CNTN4: variants seen among roughly 807,000 people sequenced by gnomAD.
CNTN4 encodes contactin 4, also known as contactin-4.
Under a neutral mutation model 122.5 loss-of-function variants are expected in CNTN4, and 77 were observed. That is an observed-to-expected ratio of 0.63 (90% CI 0.52 to 0.76). The LOEUF is 0.76. CNTN4 is among the 30% of genes least tolerant of loss of function. The pLI is 0.00. For missense variants in CNTN4, 1,256 were observed against 1,259.1 expected (o/e 1.00, Z 0.04); for synonymous variants, 512 against 447.0 (o/e 1.15, Z -1.83).
intron 13 of CNTN4, among the ~76,000 whole-genome samples, chr3:2,927,014 G>A (rs756597837): frequency 1.1e-4 from 17 of 152,078 alleles, no homozygotes; most frequent in Admixed American, 2.6e-4. Context: ...AATGTGGCAC[G>A]TGAGATTACT....
chr3:2,339,106 C>G (rs2044079272), intron 2 of CNTN4, 72 bp from the exon 3 acceptor site: 1 of 152,106 alleles, frequency 6.6e-6, no homozygotes, highest in Admixed American at 6.6e-5. Flanking sequence ...TACAGGTAAG[C>G]ATCACCTACC....
At position 3,040,052 on chromosome 3, in the gene CNTN4, T is replaced by C; in HGVS notation, c.2179T>C (p.Leu727=). 1 of 1,612,468 alleles carries C rather than the reference T, an allele frequency of 6.2e-7. No individual in the cohort carries two copies. Among genetic ancestry groups the C allele is most frequent in the South Asian group, 1.1e-5 (1 of 91,022 alleles). ...VITWETVPEE[L]QNGRGFGYVV... is the part of the protein sequence containing the mutation. Reference sequence around the variant, plus strand: ...TCTTTCCCAGACGGTCCCTGAGGAATTACAGAATGGTCGAGGCTTTGGTTA... The same window carrying C: ...TCTTTCCCAGACGGTCCCTGAGGAACTACAGAATGGTCGAGGCTTTGGTTA... The change falls in exon 20 of 25, where the codon TTA becomes CTA. Residue 727 remains leucine, a synonymous_variant. Coordinates refer to ENST00000418658, the MANE Select transcript of CNTN4 (RefSeq NM_175607.3).
At chr3:2,434,373 A>G (rs1203821453) in intron 3 of CNTN4, among the ~76,000 whole-genome samples, 6 of 152,214 alleles carry the variant, frequency 3.9e-5, no homozygotes, top group South Asian at 2.1e-4. Flanking sequence ...AGACTCTACA[A>G]GAAGAGTAAA....
chr3:3,043,045 A>C lies in CNTN4; in HGVS notation c.2580A>C (p.Thr860=). 6.2e-7 allele frequency: 1 copy of C among 1,614,200 alleles called. No individual in the cohort carries two copies. ...ARKIRTVGNQ[T]STKITNLKGS... is the part of the protein sequence containing the mutation. ...AAATACGAACAGTTGGAAATCAGAC[A>C]TCAACAAAAATCACGAACTTAAAAG... The change falls in exon 22 of 25, where the codon ACA becomes ACC. Residue 860 remains threonine (T), a synonymous_variant. Coordinates refer to ENST00000418658, the MANE Select transcript of CNTN4 (RefSeq NM_175607.3).
At position 2,117,398 on chromosome 3, in the gene CNTN4, G is replaced by A. The variant is rs183094799; in HGVS notation, c.-145+16759G>A. On this transcript the variant is annotated intron_variant, in intron 2 of 24. Coordinates refer to ENST00000418658, the MANE Select transcript of CNTN4 (RefSeq NM_175607.3). Reference sequence around the variant, plus strand: ...ACCCTCCAGGAACCTTTTGTGTTAAGCTGTCTGGAAGTGCATCTGAACGCT... The same window carrying A: ...ACCCTCCAGGAACCTTTTGTGTTAAACTGTCTGGAAGTGCATCTGAACGCT... Among the ~76,000 whole-genome samples the A allele has an allele frequency of 3.5e-4, 54 of 152,322 alleles. No individual in the cohort carries two copies. The Middle Eastern group carries it at 0.01, about 29-fold the overall frequency.
intron 3 of CNTN4, among the ~76,000 whole-genome samples, chr3:2,390,227 T>C (rs1176622839): frequency 1.3e-5 from 2 of 151,150 alleles, no homozygotes; most frequent in Non-Finnish European, 3.0e-5. Context: ...TGTGTGTGTG[T>C]GTGTGTGTGT....
chr3:2,171,614 G>A (rs1373523647), intron 2 of CNTN4, among the ~76,000 whole-genome samples: 1 of 152,166 alleles, frequency 6.6e-6, no homozygotes, highest in East Asian at 1.9e-4. Context: ...CTACCTGTAT[G>A]ATTGAGATCC....
Position 2,879,872 on chromosome 3 carries a change from T to A in CNTN4, c.653-3273T>A, listed in dbSNP as rs113371720. On this transcript the variant is annotated intron_variant, in intron 8 of 24. Coordinates refer to ENST00000418658, the MANE Select transcript of CNTN4 (RefSeq NM_175607.3). ...AATTATACCTTAAAAACTTGTTTTT[T>A]AAAAAAAATTATCAATGGAAACAGA... 8.2e-3 allele frequency among the ~76,000 whole-genome samples: 1,254 copies of A among 152,156 alleles called. 16 individuals carry two copies. The highest frequency in any genetic ancestry group is 0.029 in the African/African-American group (1,202 of 41,508).
chr3:2,513,685 A>G (rs758946047), intron 3 of CNTN4, among the ~76,000 whole-genome samples: 4 of 152,142 alleles, frequency 2.6e-5, no homozygotes, highest in Non-Finnish European at 5.9e-5. Flanking sequence ...TCAGAGAGGT[A>G]TTTGCAAGAT....
chr3:2,473,044 G>T (rs553415301), intron 3 of CNTN4, among the ~76,000 whole-genome samples: 1 of 151,998 alleles, frequency 6.6e-6, no homozygotes, highest in East Asian at 1.9e-4. Flanking sequence ...GACCAGCCTG[G>T]CCAACCTGGT....
chr3:2,193,345 G>C (rs970765987), intron 2 of CNTN4, among the ~76,000 whole-genome samples: 1 of 150,176 alleles, frequency 6.7e-6, no homozygotes, highest in Non-Finnish European at 1.5e-5. Flanking sequence ...CTTTGAAGGA[G>C]AAGGAAAAAA....
intron 6 of CNTN4, among the ~76,000 whole-genome samples, chr3:2,773,602 T>G (rs1227194054): frequency 6.6e-6 from 1 of 151,988 alleles, no homozygotes; most frequent in Non-Finnish European, 1.5e-5. Context: ...GCTCCTGAAT[T>G]TGTGCAGTAA....
At chr3:2,609,971 T>C (rs1217478635) in intron 4 of CNTN4, among the ~76,000 whole-genome samples, 2 of 152,168 alleles carry the variant, frequency 1.3e-5, no homozygotes, top group Non-Finnish European at 2.9e-5. Flanking sequence ...AGCTTTTATC[T>C]TTGTCCCTTT....
At chr3:2,983,729 G>A (rs748161602) in intron 13 of CNTN4, among the ~76,000 whole-genome samples, 1 of 152,188 alleles carries the variant, frequency 6.6e-6, no homozygotes, top group Admixed American at 6.5e-5. Flanking sequence ...AGCATGATTT[G>A]AGCCTAGACA....
At chr3:2,477,413 T>A (rs903770358) in intron 3 of CNTN4, among the ~76,000 whole-genome samples, 8 of 152,238 alleles carry the variant, frequency 5.3e-5, no homozygotes, top group African/African-American at 1.7e-4. Flanking sequence ...ACATAAGCTC[T>A]GTGGTAAATG....
At chr3:2,228,722 C>T (rs1325467607) in intron 2 of CNTN4, among the ~76,000 whole-genome samples, 1 of 152,050 alleles carries the variant, frequency 6.6e-6, no homozygotes, top group South Asian at 2.1e-4. Flanking sequence ...TTTATAGCAA[C>T]TTGTAATATA....
intron 2 of CNTN4, among the ~76,000 whole-genome samples, chr3:2,167,671 G>C (rs1173925102): frequency 1.3e-5 from 2 of 152,112 alleles, no homozygotes; most frequent in African/African-American, 2.4e-5. Flanking sequence ...TTTTTACCTT[G>C]TCATTTAATA....
chr3:2,464,490 A>G (rs1000446427), intron 3 of CNTN4, among the ~76,000 whole-genome samples: 1 of 152,228 alleles, frequency 6.6e-6, no homozygotes, highest in Non-Finnish European at 1.5e-5. Context: ...TATTGTGCAT[A>G]GTAGTGGGGA....
At chr3:2,252,916 T>C (rs2040431653) in intron 2 of CNTN4, among the ~76,000 whole-genome samples, 1 of 152,156 alleles carries the variant, frequency 6.6e-6, no homozygotes, top group African/African-American at 2.4e-5. Flanking sequence ...AATAAGTTCT[T>C]AGTCTTTAAA....
Sources: gnomAD v4.1 joint callset for allele counts (sites outside exome capture counted in the v4.1 genomes callset) on GRCh38, gnomAD v4.1.1 for gene constraint, MANE v1.5 for transcripts, NCBI Gene and HGNC (gene_info 2026-07-23, HGNC 2026-07-21) for gene names.